CXCL13: variants seen among roughly 807,000 people sequenced by gnomAD.
CXCL13 encodes C-X-C motif chemokine ligand 13.
In CXCL13, 7 loss-of-function variants were observed where a neutral mutation model predicts 12.2. The ratio of observed to expected loss-of-function variants is 0.57; its 90% confidence interval spans 0.33 to 1.07. CXCL13 has a LOEUF of 1.07. CXCL13 is among the 50% of genes least tolerant of loss of function. The pLI, the probability that CXCL13 is intolerant of heterozygous loss-of-function variation, is 0.04. For synonymous variants in CXCL13, 47 were observed against 42.4 expected (o/e 1.11, Z -0.42); for missense variants, 113 against 127.4 (o/e 0.89, Z 0.55).
intron 1 of CXCL13, among the ~76,000 whole-genome samples, chr4:77,525,962 T>C (rs965597898): frequency 6.6e-6 from 1 of 151,554 alleles, no homozygotes; most frequent in Non-Finnish European, 1.5e-5. Context: ...AAATCTTAAA[T>C]GCTACTACTG....
intron 1 of CXCL13, among the ~76,000 whole-genome samples, chr4:77,592,226 G>T (rs1408426652): frequency 1.3e-5 from 2 of 152,202 alleles, no homozygotes; most frequent in East Asian, 3.8e-4. Context: ...AATATGTGGT[G>T]CTTATACACA....
chr4:77,563,528 A>G (rs192504190), intron 1 of CXCL13, among the ~76,000 whole-genome samples: 55 of 152,340 alleles, frequency 3.6e-4, no homozygotes, highest in African/African-American at 1.3e-3. Context: ...CAGCATTAAG[A>G]TAGCAGAAGA....
intron 1 of CXCL13, among the ~76,000 whole-genome samples, chr4:77,574,604 G>A (rs767159650): frequency 7.9e-5 from 12 of 151,822 alleles, no homozygotes; most frequent in Non-Finnish European, 1.6e-4. Context: ...TTTTAAAAAG[G>A]TGCTATTGGG....
At chr4:77,543,233 C>T (rs1285632230) in intron 1 of CXCL13, among the ~76,000 whole-genome samples, 1 of 151,672 alleles carries the variant, frequency 6.6e-6, no homozygotes, top group African/African-American at 2.4e-5. Context: ...TCTGGTTGTG[C>T]TTATTTTTCC....
intron 2 of CXCL13, among the ~76,000 whole-genome samples, chr4:77,609,583 C>A (rs1298344553): frequency 6.6e-6 from 1 of 152,158 alleles, no homozygotes; most frequent in Non-Finnish European, 1.5e-5. Flanking sequence ...GCTGGGATTA[C>A]AGGCATGAGC....
At chr4:77,514,582 T>C (rs1444912913) in intron 1 of CXCL13, among the ~76,000 whole-genome samples, 235 of 146,334 alleles carry the variant, frequency 1.6e-3, no homozygotes, top group South Asian at 8.4e-3. Context: ...TTTCATGTGT[T>C]TTTTGGCTGC....
At chr4:77,557,337 A>C (rs1322298876) in intron 1 of CXCL13, among the ~76,000 whole-genome samples, 1 of 152,190 alleles carries the variant, frequency 6.6e-6, no homozygotes, top group Non-Finnish European at 1.5e-5. Flanking sequence ...CCCAGTGTAC[A>C]CTTGCAAGGC....
chr4:77,585,750 A>G (rs1455362807), intron 1 of CXCL13, among the ~76,000 whole-genome samples: 1 of 152,200 alleles, frequency 6.6e-6, no homozygotes, highest in East Asian at 1.9e-4. Flanking sequence ...CTGGTTATCT[A>G]TGCTTTGGGT....
chr4:77,569,476 C>T (rs1021914807), intron 1 of CXCL13, among the ~76,000 whole-genome samples: 6 of 152,158 alleles, frequency 3.9e-5, no homozygotes, highest in Admixed American at 2.0e-4. Flanking sequence ...CAACAACTGT[C>T]AAACCAAAAG....
intron 1 of CXCL13, among the ~76,000 whole-genome samples, chr4:77,551,031 T>C (rs1238318076): frequency 1.3e-5 from 2 of 152,212 alleles, no homozygotes; most frequent in African/African-American, 4.8e-5. Context: ...ATGTGTGAGA[T>C]AGATCTCTTG....
At chr4:77,555,524 A>G (rs758188837) in intron 1 of CXCL13, among the ~76,000 whole-genome samples, 3 of 152,116 alleles carry the variant, frequency 2.0e-5, no homozygotes, top group Non-Finnish European at 4.4e-5. Context: ...CTAATTATAA[A>G]TAGAATAGAG....
chr4:77,533,394 A>T (rs1724979592), intron 1 of CXCL13, among the ~76,000 whole-genome samples: 1 of 152,156 alleles, frequency 6.6e-6, no homozygotes, highest in African/African-American at 2.4e-5. Context: ...TTCCTCTGGA[A>T]GTTTTGTCTC....
At chr4:77,590,548 C>T (rs1043128707) in intron 1 of CXCL13, among the ~76,000 whole-genome samples, 1 of 152,142 alleles carries the variant, frequency 6.6e-6, no homozygotes, top group Non-Finnish European at 1.5e-5. Context: ...CCTGGAAAAA[C>T]GCTCAAGAAC....
In CXCL13 at chr4:77,611,632, T is replaced by C; in HGVS notation, c.*593T>C. Reference sequence around the variant, plus strand: ...AGCATTCGAAGATCCCCAGACTTCATAGAATACTCAGGGAAAGCATTTAAA... The same window carrying C: ...AGCATTCGAAGATCCCCAGACTTCACAGAATACTCAGGGAAAGCATTTAAA... On this transcript the variant is annotated 3_prime_UTR_variant, in exon 4 of 4. Transcript: ENST00000682537. 1 of 398,856 alleles carries C rather than the reference T, an allele frequency of 2.5e-6. No individual in the cohort carries two copies. Among genetic ancestry groups the C allele is most frequent in the Non-Finnish European group, 4.4e-6 (1 of 226,074 alleles). 24.7% of individuals were successfully genotyped at this position (398,856 alleles called of 1,614,324 possible). A position where few individuals can be genotyped will look rare whatever the true frequency, so the allele number is the denominator to read the frequency against.
chr4:77,535,583 A>G lies in CXCL13; in HGVS notation c.-43+23795A>G, dbSNP rs145738582. 1.3e-3 allele frequency among the ~76,000 whole-genome samples: 197 copies of G among 152,318 alleles called. 2 individuals carry two copies. The highest frequency in any genetic ancestry group is 5.8e-3 in the East Asian group (30 of 5,180). On this transcript the variant is annotated intron_variant, in intron 1 of 4. Transcript: ENST00000286758. ...AGTGACATATGCAACTTCCAAAGATAGGGCATAAAAATTCCATGTGCATCC... is the reference window on the plus strand; with the variant it reads ...AGTGACATATGCAACTTCCAAAGATGGGGCATAAAAATTCCATGTGCATCC...
chr4:77,557,199 C>T (rs746136033), intron 1 of CXCL13, among the ~76,000 whole-genome samples: 8 of 152,198 alleles, frequency 5.3e-5, no homozygotes, highest in East Asian at 3.8e-4. Context: ...TTCTCTTATA[C>T]TTCCATTGTA....
chr4:77,551,918 A>G (rs996214637), intron 1 of CXCL13, among the ~76,000 whole-genome samples: 11 of 152,226 alleles, frequency 7.2e-5, no homozygotes, highest in African/African-American at 2.6e-4. Flanking sequence ...TCCTTAAGTG[A>G]GTTTTTCAAT....
intron 1 of CXCL13, among the ~76,000 whole-genome samples, chr4:77,545,849 G>A (rs1240987426): frequency 1.3e-5 from 2 of 152,126 alleles, no homozygotes; most frequent in Non-Finnish European, 2.9e-5. Context: ...AATGCTTCCA[G>A]TTTTTGTCCA....
intron 1 of CXCL13, among the ~76,000 whole-genome samples, chr4:77,596,476 C>A (rs1380790526): frequency 1.3e-5 from 2 of 152,108 alleles, no homozygotes; most frequent in African/African-American, 4.8e-5. Context: ...TGTGTATACA[C>A]CCAAACAAAA....
Sources: gnomAD v4.1 joint callset for allele counts (sites outside exome capture counted in the v4.1 genomes callset) on GRCh38, gnomAD v4.1.1 for gene constraint, MANE v1.5 for transcripts, NCBI Gene and HGNC (gene_info 2026-07-23, HGNC 2026-07-21) for gene names.